The following NRAP variants were observed in gnomAD, a reference collection of about 807,000 sequenced individuals.
NRAP encodes the protein nebulin-related-anchoring protein.
NRAP carries 189 observed loss-of-function variants against 225.9 expected under a neutral mutation model. That is an observed-to-expected ratio of 0.84 (90% CI 0.74 to 0.94). The LOEUF (loss-of-function observed/expected upper bound fraction) is 0.94. Ranked by LOEUF, NRAP falls within the 40% of genes least tolerant of loss-of-function variation. The pLI is 0.00. For synonymous variants in NRAP, 769 were observed against 790.7 expected, an observed-to-expected ratio of 0.97 and a Z score of 0.46; for missense variants, 2,176 against 2,168.7, an observed-to-expected ratio of 1.00 and a Z score of -0.07.
chr10:113,651,205 C>T (rs1849944505), intron 7 of NRAP, among the ~76,000 whole-genome samples: 1 of 152,160 alleles, frequency 6.6e-6, no homozygotes, highest in African/African-American at 2.4e-5. Context: ...GGAATTTCTT[C>T]TTGTTACCCA....
intron 14 of NRAP, among the ~76,000 whole-genome samples, chr10:113,639,440 T>C (rs10885482): frequency 0.27 from 40,604 of 152,114 alleles, 6,026 homozygotes; most frequent in East Asian, 0.44. Context: ...AAAGTTGTAC[T>C]GATCCCAAAG....
intron 38 of NRAP, among the ~76,000 whole-genome samples, chr10:113,594,459 TG>T (rs1846171548): frequency 6.6e-6 from 1 of 152,178 alleles, no homozygotes; most frequent in African/African-American, 2.4e-5. Flanking sequence ...CCAAATGCAC[TG>T]GCAGCTTTAT....
intron 6 of NRAP, 29 bp from the exon 7 acceptor site, chr10:113,651,936 G>T: frequency 7.0e-7 from 1 of 1,435,588 alleles, no homozygotes. Context: ...AGTCAAGGGT[G>T]CACCCACCTC....
At chr10:113,638,383 T>C (rs1156530917) in intron 14 of NRAP, among the ~76,000 whole-genome samples, 1 of 152,208 alleles carries the variant, frequency 6.6e-6, no homozygotes, top group Non-Finnish European at 1.5e-5. Context: ...CTATTAGTGT[T>C]TATAAAATCT....
intron 41 of NRAP, chr10:113,589,417 C>T: frequency 1.7e-6 from 1 of 586,262 alleles, no homozygotes; most frequent in South Asian, 2.2e-5. Flanking sequence ...ATTGATGTAG[C>T]CCCGGTAGGT....
intron 36 of NRAP, 116 bp from the exon 37 acceptor site, chr10:113,597,300 C>A: frequency 1.4e-6 from 1 of 706,090 alleles, no homozygotes. Context: ...TGTTGGAAAA[C>A]AAGCCTTTCT....
At chr10:113,653,156 C>T in intron 5 of NRAP, 117 bp from the exon 6 acceptor site, 2 of 611,482 alleles carry the variant, frequency 3.3e-6, no homozygotes, top group South Asian at 4.6e-5. Flanking sequence ...ATATTTCAAT[C>T]ACCTGTAATA....
At chr10:113,589,100 C>A in intron 41 of NRAP, 21 bp from the exon 42 acceptor site, 1 of 1,606,582 alleles carries the variant, frequency 6.2e-7, no homozygotes, top group Non-Finnish European at 8.5e-7. Context: ...CAAACATACC[C>A]CAAGTTAAAA....
At chr10:113,617,676 C>A (rs1181564907) in intron 25 of NRAP, 123 bp from the exon 26 acceptor site, 13 of 683,662 alleles carry the variant, frequency 1.9e-5, no homozygotes, top group Non-Finnish European at 2.7e-5. Flanking sequence ...TATTCTGCTT[C>A]CTCCATCTTT....
rs1225664770 is a variant in NRAP at position 113,631,666 on chromosome 10, G to T, written c.1741-56C>A. On this transcript the variant is annotated intron_variant, in intron 17 of 41. Transcript: ENST00000359988. ...TGAGAGAGAAACTTTGCCGTCTAAGGGGCTCTGGTTTTAACAAGTGCAAGG... is the reference window on the plus strand; with the variant it reads ...TGAGAGAGAAACTTTGCCGTCTAAGTGGCTCTGGTTTTAACAAGTGCAAGG... 3.3e-6 allele frequency: 4 copies of T among 1,211,314 alleles called. No individual in the cohort carries two copies. The South Asian group carries it at 5.1e-5, about 15-fold the overall frequency. 75.0% of individuals were successfully genotyped at this position (1,211,314 alleles called of 1,614,324 possible).
chr10:113,590,451 T>C (rs1845899327), intron 40 of NRAP, 127 bp downstream of exon 40: 5 of 810,940 alleles, frequency 6.2e-6, no homozygotes, highest in African/African-American at 3.4e-5. Flanking sequence ...ACTAAAGTGT[T>C]AGGTGTCTTG....
rs552065768 is a variant in NRAP, at chr10:113,621,937, G to A, written c.2701C>T (p.His901Tyr). ...ATGTCTGTGGGCAAAGCCGTAAAGT[G>A]ATGTTCCGCTGTCTTGTAGCCTACG... is the stretch of plus-strand genomic sequence containing the variant. ...TDVGYKTAEH[H>Y]FTALPTDMKV... Residue 901 changes from histidine to tyrosine, a missense_variant, in exon 24 of 42, where the codon CAC (histidine) becomes TAC (tyrosine). Coordinates refer to ENST00000359988, the MANE Select transcript of NRAP (RefSeq NM_198060.4). 3.5e-4 allele frequency: 563 copies of A among 1,614,188 alleles called. 5 individuals are homozygous for A. In the South Asian group the frequency reaches 5.9e-3, roughly 17 times the overall value.
intron 16 of NRAP, among the ~76,000 whole-genome samples, chr10:113,632,852 C>T (rs1484301672): frequency 6.6e-6 from 1 of 152,180 alleles, no homozygotes; most frequent in Non-Finnish European, 1.5e-5. Flanking sequence ...TGTGTGTTCA[C>T]ACATAGATTG....
In NRAP at chr10:113,614,276, A is replaced by T. The variant is rs115445984; in HGVS notation, c.3207T>A (p.Phe1069Leu). ...CAAGCATCTGTCCTTTCATTTTCTC[A>T]AATGCCTCTTTGTATTTGTACTAAA... ...IISDYKYKEA[F>L]EKMKGQMLGS... Residue 1069 changes from phenylalanine to leucine, a missense_variant, in exon 29 of 42, where the codon TTT becomes TTA. Phe to Leu is a conservative substitution (Grantham distance 22). This residue lies in a region of NRAP where 1,708 missense variants were observed against 1,695.5 expected (regional missense o/e 1.01). Coordinates refer to ENST00000359988, the MANE Select transcript of NRAP (RefSeq NM_198060.4). 818 of 1,612,966 alleles carry T rather than the reference A, an allele frequency of 5.1e-4. 6 individuals are homozygous for T. The African/African-American group carries it at 9.5e-3, about 19-fold the overall frequency.
intron 17 of NRAP, 86 bp downstream of exon 17, chr10:113,631,769 TAA>T: frequency 1.1e-6 from 1 of 936,830 alleles, no homozygotes; most frequent in Non-Finnish European, 1.7e-6. Context: ...TTTACAATGT[TAA>T]GAGTCATTAT....
Position 113,608,504 on chromosome 10 carries a change from A to G in NRAP, c.3612T>C (p.Tyr1204=). Residue 1204 remains tyrosine, a synonymous_variant, in exon 32 of 42, where the codon TAT becomes TAC. Coordinates refer to ENST00000359988, the MANE Select transcript of NRAP (RefSeq NM_198060.4). ...KASELISESK[Y]RQHPHSFKYT... ...ACTTGAATGAGTGGGGATGCTGCCGATATTTACTCTGAATTCACACACAAG... is the reference window on the plus strand; with the variant it reads ...ACTTGAATGAGTGGGGATGCTGCCGGTATTTACTCTGAATTCACACACAAG... The G allele has an allele frequency of 1.2e-6, 2 of 1,608,180 alleles. No homozygotes were observed. The highest frequency in any genetic ancestry group is 1.7e-6 in the Non-Finnish European group (2 of 1,175,194).
At chr10:113,589,907 G>GTCA (rs1845854133) in intron 40 of NRAP, 110 bp from the exon 41 acceptor site, 2 of 1,255,148 alleles carry the variant, frequency 1.6e-6, no homozygotes, top group Admixed American at 2.3e-5. Flanking sequence ...TATGTTGTCT[G>GTCA]TCATCAGTAA....
At chr10:113,650,413 T>G in intron 8 of NRAP, 25 bp downstream of exon 8, 1 of 1,524,060 alleles carries the variant, frequency 6.6e-7, no homozygotes, top group Admixed American at 1.7e-5. Flanking sequence ...CTCCCTAACA[T>G]GACCACATTG....
chr10:113,660,386 C>T (rs1850598576), intron 3 of NRAP, among the ~76,000 whole-genome samples: 1 of 151,998 alleles, frequency 6.6e-6, no homozygotes, highest in Non-Finnish European at 1.5e-5. Context: ...TATATATACA[C>T]ATATATATAC....
Sources: gnomAD v4.1 joint callset for allele counts (sites outside exome capture counted in the v4.1 genomes callset) on GRCh38, gnomAD v4.1.1 for gene constraint, gnomAD v4.1.1 regional missense constraint, MANE v1.5 for transcripts, NCBI Gene and HGNC (gene_info 2026-07-23, HGNC 2026-07-21) for gene names.